TRIM37: variants seen among roughly 807,000 people sequenced by gnomAD.
TRIM37 encodes the protein E3 ubiquitin-protein ligase TRIM37.
In TRIM37, 80 loss-of-function variants were observed where a neutral mutation model predicts 129.8. The ratio of observed to expected loss-of-function variants is 0.62; its 90% CI spans 0.51 to 0.74. The LOEUF is 0.74. Among genes scored for constraint, TRIM37 ranks in the 30% least tolerant of loss-of-function variants. TRIM37 has a pLI of 0.00. For synonymous variants in TRIM37, 389 were observed against 387.1 expected (o/e 1.00, Z -0.06); for missense variants, 1,054 against 1,176.5 (o/e 0.90, Z 1.52).
At chr17:59,092,829 A>G (rs938617827) in intron 2 of TRIM37, among the ~76,000 whole-genome samples, 2 of 152,224 alleles carry the variant, frequency 1.3e-5, no homozygotes, top group African/African-American at 4.8e-5. Context: ...ACTTAAAATG[A>G]TAGCAAGCAA....
intron 4 of TRIM37, among the ~76,000 whole-genome samples, chr17:59,086,785 C>G (rs1036974392): frequency 2.0e-5 from 3 of 152,124 alleles, no homozygotes; most frequent in Non-Finnish European, 4.4e-5. Flanking sequence ...TAATTAACAG[C>G]CTGTATTCAC....
chr17:59,040,939 G>T (rs1175822718), intron 17 of TRIM37, among the ~76,000 whole-genome samples: 1 of 151,846 alleles, frequency 6.6e-6, no homozygotes, highest in African/African-American at 2.4e-5. Flanking sequence ...CCAGCTACTC[G>T]GGAGGCTGAG....
chr17:59,020,902 G>A (rs983454351), intron 19 of TRIM37, among the ~76,000 whole-genome samples: 14 of 152,114 alleles, frequency 9.2e-5, no homozygotes, highest in African/African-American at 2.4e-4. Context: ...AAACCACTAC[G>A]GAAAACAGTT....
intron 19 of TRIM37, 31 bp from the exon 20 acceptor site, chr17:59,017,455 A>T (rs747699512): frequency 1.2e-6 from 2 of 1,613,478 alleles, no homozygotes; most frequent in Admixed American, 3.3e-5. Flanking sequence ...ACCTCTGAAT[A>T]GGCTACTACA....
intron 24 of TRIM37, among the ~76,000 whole-genome samples, chr17:58,985,927 G>C (rs2031764039): frequency 2.0e-5 from 3 of 152,070 alleles, no homozygotes. Flanking sequence ...ACTGAAGCAG[G>C]GAATGACAGA....
At chr17:59,051,893 G>A (rs2040388196) in intron 13 of TRIM37, among the ~76,000 whole-genome samples, 1 of 151,990 alleles carries the variant, frequency 6.6e-6, no homozygotes, top group Non-Finnish European at 1.5e-5. Context: ...ACTACGCCCG[G>A]CTAATTTTTT....
chr17:59,006,567 A>G lies in TRIM37; in HGVS notation c.2696-4853T>C, dbSNP rs1391601892. On this transcript the variant is annotated intron_variant, in intron 22 of 23. Coordinates refer to ENST00000262294, the MANE Select transcript of TRIM37 (RefSeq NM_015294.6). ...TTCCCTTACCACATATCCATGTGGA[A>G]CGAGTTGGTGAGGGAGACCAACTAA... Among the ~76,000 whole-genome samples, 3 of 152,182 alleles carry G rather than the reference A, an allele frequency of 2.0e-5. No individual in the cohort carries two copies. The East Asian group carries it at 5.8e-4, about 29-fold the overall frequency.
At chr17:59,032,588 G>A (rs1555653879) in intron 17 of TRIM37, among the ~76,000 whole-genome samples, 1 of 150,178 alleles carries the variant, frequency 6.7e-6, no homozygotes, top group Non-Finnish European at 1.5e-5. Flanking sequence ...CATTAGCACA[G>A]TGATTGAGTG....
intron 19 of TRIM37, among the ~76,000 whole-genome samples, chr17:59,021,689 AAGAT>A (rs2145289463): frequency 6.6e-6 from 1 of 152,266 alleles, no homozygotes; most frequent in South Asian, 2.1e-4. Context: ...TAGAATGAAT[AAGAT>A]CTAGTATTCG....
intron 8 of TRIM37, 74 bp from the exon 9 acceptor site, chr17:59,071,021 C>A: frequency 6.5e-7 from 1 of 1,545,104 alleles, no homozygotes; most frequent in South Asian, 1.2e-5. Flanking sequence ...TAAGAAATTA[C>A]AAATTATTCT....
the TRIM37 span, among the ~76,000 whole-genome samples, chr17:58,975,035 GA>G: frequency 6.6e-6 from 1 of 152,132 alleles, no homozygotes; most frequent in Admixed American, 6.5e-5. Context: ...TATTGGTGGG[GA>G]AAAGTCTTTA....
rs942696454 is a variant in TRIM37 at position 58,998,576 on chromosome 17, A to G, written c.*801T>C. On this transcript the variant is annotated 3_prime_UTR_variant, in exon 24 of 24. Coordinates refer to ENST00000262294, the MANE Select transcript of TRIM37 (RefSeq NM_015294.6). ...TTTAAATGTGTTGACACTGAAATCA[A>G]TGTACAACTAATGAAAATAAAGAAG... 6.1e-6 allele frequency: 6 copies of G among 985,312 alleles called. No individual in the cohort carries two copies. Among genetic ancestry groups the G allele is most frequent in the Non-Finnish European group, 7.2e-6 (6 of 829,924 alleles). 61.0% of individuals were successfully genotyped at this position (985,312 alleles called of 1,614,324 possible).
intron 23 of TRIM37, 146 bp downstream of exon 23, chr17:59,001,452 A>AT (rs1287433083): frequency 2.1e-6 from 2 of 972,276 alleles, no homozygotes; most frequent in East Asian, 2.7e-5. Context: ...AATGACAATA[A>AT]TTAAAAAAAA....
downstream of TRIM37, among the ~76,000 whole-genome samples, chr17:58,996,694 G>T (rs1249125619): frequency 6.6e-6 from 1 of 151,388 alleles, no homozygotes; most frequent in Non-Finnish European, 1.5e-5. Context: ...ACTTGAGCCT[G>T]GGAAGCAGAG....
At chr17:59,000,808 C>A (rs964978514) in intron 23 of TRIM37, among the ~76,000 whole-genome samples, 3 of 151,844 alleles carry the variant, frequency 2.0e-5, no homozygotes, top group African/African-American at 4.8e-5. Context: ...GGAAAAAAAA[C>A]CCAAACATCT....
intron 19 of TRIM37, 30 bp from the exon 20 acceptor site, chr17:59,017,454 T>C (rs199863654): frequency 1.8e-5 from 29 of 1,613,494 alleles, no homozygotes; most frequent in Admixed American, 3.3e-5. Flanking sequence ...CACCTCTGAA[T>C]AGGCTACTAC....
intron 18 of TRIM37, among the ~76,000 whole-genome samples, chr17:59,029,155 C>A (rs2037556937): frequency 6.6e-6 from 1 of 152,160 alleles, no homozygotes; most frequent in Non-Finnish European, 1.5e-5. Flanking sequence ...TGGCCAGGTG[C>A]AGTGGCTTAT....
At chr17:58,980,766 CTCAT>C, downstream of TRIM37, 1 of 1,614,160 alleles carries the variant, frequency 6.2e-7, no homozygotes, top group South Asian at 1.1e-5. This position sits in a 1 kb window ranked among gnomAD's most constrained non-coding sequence, Gnocchi z 4.7. Context: ...TCTAGATTGT[CTCAT>C]TTACGCCACC....
downstream of TRIM37, chr17:58,980,537 T>G (rs139860807): frequency 7.1e-5 from 114 of 1,614,122 alleles, no homozygotes; most frequent in African/African-American, 1.3e-3. This position sits in a 1 kb window ranked among gnomAD's most constrained non-coding sequence, Gnocchi z 4.7. Context: ...AGTTGAGATG[T>G]TTGGTCCTGG....
Sources: gnomAD v4.1 joint callset for allele counts (sites outside exome capture counted in the v4.1 genomes callset) on GRCh38, gnomAD v4.1.1 for gene constraint, Gnocchi (gnomAD v3.1) non-coding constraint, MANE v1.5 for transcripts, NCBI Gene and HGNC (gene_info 2026-07-23, HGNC 2026-07-21) for gene names.